Variants in CRYL1 observed in about 807,000 individuals in gnomAD.
CRYL1 encodes the protein lambda-crystallin homolog.
In CRYL1, 29 loss-of-function variants were observed where a neutral mutation model predicts 36.6. The ratio of observed to expected loss-of-function variants is 0.79; its 90% CI spans 0.59 to 1.08. The LOEUF (loss-of-function observed/expected upper bound fraction) is 1.08. Ranked by LOEUF, CRYL1 falls within the 50% of genes least tolerant of loss-of-function variation. The probability of loss-of-function intolerance (pLI) is 0.00; values close to 1 mark genes in which losing one functional copy is unlikely to be tolerated. For synonymous variants in CRYL1, 152 were observed against 151.5 expected, an observed-to-expected ratio of 1.00 and a Z score of -0.02; for missense variants, 411 against 407.9, an observed-to-expected ratio of 1.01 and a Z score of -0.06.
chr13:20,493,842 A>C (rs918551819), intron 2 of CRYL1, among the ~76,000 whole-genome samples: 2 of 152,162 alleles, frequency 1.3e-5, no homozygotes, highest in Non-Finnish European at 2.9e-5. Flanking sequence ...AACTGCTGTG[A>C]GCTGCCAGAG....
Position 20,525,636 on chromosome 13 carries a change from C to A in CRYL1, c.41+118G>T, listed in dbSNP as rs1027852969. 7 of 845,032 alleles carry A rather than the reference C, an allele frequency of 8.3e-6. No homozygotes were observed. In the African/African-American group the frequency reaches 1.1e-4, roughly 13 times the overall value. The allele number at this position is 845,032 out of a possible 1,614,324, so 52.3% of individuals were successfully genotyped here. A position where few individuals can be genotyped will look rare whatever the true frequency, so the allele number is the denominator to read the frequency against. ...CGCAGGGCGCAGGGCTTCGGAGGAC[C>A]GGAGGCCGGGGCGGGGACAGCGACC... On this transcript the variant is annotated intron_variant, in intron 1 of 7. Transcript: ENST00000298248. The surrounding 1 kb of genome is among the most constrained non-coding windows in gnomAD (Gnocchi z 4.3).
intron 1 of CRYL1, among the ~76,000 whole-genome samples, chr13:20,524,589 C>T (rs1391859428): frequency 6.6e-6 from 1 of 152,160 alleles, no homozygotes; most frequent in Non-Finnish European, 1.5e-5. Flanking sequence ...ATTGGTCAGG[C>T]TGGTCTCGAA....
chr13:20,444,082 T>C (rs201046535), intron 3 of CRYL1, among the ~76,000 whole-genome samples: 1 of 152,336 alleles, frequency 6.6e-6, no homozygotes, highest in East Asian at 1.9e-4. Flanking sequence ...AATAGACTGC[T>C]GTGACAACAC....
At chr13:20,509,058 G>GTGGCT (rs1478059020) in intron 2 of CRYL1, among the ~76,000 whole-genome samples, 1 of 151,702 alleles carries the variant, frequency 6.6e-6, no homozygotes, top group Non-Finnish European at 1.5e-5. Flanking sequence ...ACCAGGCGTG[G>GTGGCT]TGGCTTGTGC....
At chr13:20,496,844 CA>C (rs33925139) in intron 2 of CRYL1, among the ~76,000 whole-genome samples, 1,215 of 120,450 alleles carry the variant, frequency 0.01, 23 homozygotes, top group African/African-American at 0.038. Context: ...GACCCCGTCT[CA>C]AAAAAAAAAA....
At chr13:20,502,975 C>T (rs2033728909) in intron 2 of CRYL1, among the ~76,000 whole-genome samples, 1 of 152,170 alleles carries the variant, frequency 6.6e-6, no homozygotes, top group Admixed American at 6.5e-5. Flanking sequence ...ATGCACAGCA[C>T]ACAGGATCAT....
chr13:20,497,617 C>A (rs987802943), intron 2 of CRYL1, among the ~76,000 whole-genome samples: 1 of 150,390 alleles, frequency 6.6e-6, no homozygotes, highest in Non-Finnish European at 1.5e-5. Flanking sequence ...CAACTACATA[C>A]ATACCACATA....
At chr13:20,468,168 T>TAGCAAA (rs2032981103) in intron 3 of CRYL1, among the ~76,000 whole-genome samples, 1 of 152,274 alleles carries the variant, frequency 6.6e-6, no homozygotes, top group Admixed American at 6.5e-5. Context: ...TATTCTCTTT[T>TAGCAAA]ATTCTGGGTC....
chr13:20,405,878 C>G (rs1365533756), intron 6 of CRYL1: 1 of 152,388 alleles, frequency 6.6e-6, no homozygotes, highest in African/African-American at 2.4e-5. Flanking sequence ...TGGCCTGCCC[C>G]GACCCGCTGG....
chr13:20,485,097 A>T (rs2033368817), intron 3 of CRYL1, among the ~76,000 whole-genome samples: 1 of 152,104 alleles, frequency 6.6e-6, no homozygotes, highest in Non-Finnish European at 1.5e-5. Flanking sequence ...GGCTCACTGC[A>T]ACCTTTACCT....
rs61955462 is a variant in CRYL1, at chr13:20,435,515, G to A, written c.439-3219C>T. Among the ~76,000 whole-genome samples the A allele has an allele frequency of 0.26, 39,315 of 152,114 alleles. 5,465 individuals are homozygous for A. The highest frequency in any genetic ancestry group is 0.33 in the Middle Eastern group (96 of 294). On this transcript the variant is annotated intron_variant, in intron 4 of 7. Coordinates refer to ENST00000298248, the MANE Select transcript of CRYL1 (RefSeq NM_015974.3). The surrounding 1 kb of genome is among the most constrained non-coding windows in gnomAD (Gnocchi z 4.0). The stretch of plus-strand genomic sequence containing the variant: ...CCACAGCCCTCAGCCTCTGGCCCAA[G>A]AGGTCAATCTTGTCAATAAGGTCGG...
At chr13:20,440,002 G>A (rs1565965064) in intron 3 of CRYL1, 1 of 400,772 alleles carries the variant, frequency 2.5e-6, no homozygotes, top group Non-Finnish European at 4.6e-6. Flanking sequence ...CATGAAGCAG[G>A]GCATAAGACC....
chr13:20,490,542 C>T (rs549887026), intron 2 of CRYL1, among the ~76,000 whole-genome samples: 82 of 151,964 alleles, frequency 5.4e-4, no homozygotes, highest in Non-Finnish European at 1.1e-3. Flanking sequence ...GGTAGCACAA[C>T]AATGTAAATA....
chr13:20,414,850 A>C (rs994966989), intron 5 of CRYL1, among the ~76,000 whole-genome samples: 1 of 152,124 alleles, frequency 6.6e-6, no homozygotes, highest in Non-Finnish European at 1.5e-5. Flanking sequence ...CCCCTTGGGC[A>C]TTTCCACTGT....
intron 3 of CRYL1, among the ~76,000 whole-genome samples, chr13:20,460,511 C>CT (rs71074302): frequency 2.6e-4 from 18 of 70,306 alleles, no homozygotes; most frequent in African/African-American, 9.4e-4. Context: ...TAGGCAGCTG[C>CT]TTTTTTTTTT....
intron 3 of CRYL1, among the ~76,000 whole-genome samples, chr13:20,479,724 G>T (rs12431199): frequency 1.3e-5 from 2 of 152,094 alleles, no homozygotes; most frequent in African/African-American, 4.8e-5. Context: ...ATTGAATTAG[G>T]CATGTCTTCC....
At chr13:20,521,162 G>C (rs1380258425) in intron 1 of CRYL1, among the ~76,000 whole-genome samples, 2 of 136,122 alleles carry the variant, frequency 1.5e-5, no homozygotes, top group African/African-American at 5.6e-5. Context: ...AGGAAGGAAC[G>C]AACGAACGAA....
intron 3 of CRYL1, among the ~76,000 whole-genome samples, chr13:20,485,230 G>A (rs952982749): frequency 6.6e-6 from 1 of 152,164 alleles, no homozygotes; most frequent in African/African-American, 2.4e-5. Flanking sequence ...TGTTGCCCAA[G>A]CTGGTCTTGA....
chr13:20,521,626 A>G (rs1198610213), intron 1 of CRYL1, among the ~76,000 whole-genome samples: 1 of 152,212 alleles, frequency 6.6e-6, no homozygotes, highest in Admixed American at 6.5e-5. Flanking sequence ...CATGTCTTAA[A>G]GCTTCTGAAT....
Sources: allele counts gnomAD v4.1 joint callset (sites outside exome capture counted in the v4.1 genomes callset), GRCh38; gene constraint gnomAD v4.1.1; non-coding constraint Gnocchi (gnomAD v3.1); transcripts MANE v1.5; gene names NCBI Gene and HGNC (gene_info 2026-07-23, HGNC 2026-07-21).